FBXL13: variants seen among roughly 807,000 people sequenced by gnomAD.
FBXL13 encodes the protein F-box and leucine rich repeat protein 13.
A neutral mutation model predicts 83.6 loss-of-function variants in FBXL13; 67 were observed. The ratio of observed to expected loss-of-function variants is 0.80; its 90% CI spans 0.66 to 0.98. The LOEUF is 0.98. Among genes scored for constraint, FBXL13 ranks in the 50% least tolerant of loss-of-function variants. The probability of loss-of-function intolerance (pLI) is 0.00; values close to 1 mark genes in which losing one functional copy is unlikely to be tolerated. For missense variants in FBXL13, 822 were observed against 866.5 expected, an observed-to-expected ratio of 0.95 and a Z score of 0.64; for synonymous variants, 272 against 299.5, an observed-to-expected ratio of 0.91 and a Z score of 0.95.
chr7:103,014,082 C>A (rs756301208), intron 6 of FBXL13, among the ~76,000 whole-genome samples: 2 of 151,988 alleles, frequency 1.3e-5, no homozygotes, highest in Non-Finnish European at 2.9e-5. Flanking sequence ...AAAGATTGAA[C>A]GAGGAAGAGA....
chr7:102,828,311 T>G (rs1800088681), intron 18 of FBXL13, among the ~76,000 whole-genome samples: 1 of 152,230 alleles, frequency 6.6e-6, no homozygotes, highest in Non-Finnish European at 1.5e-5. Flanking sequence ...CCCTTGTAAG[T>G]TGGATTCCTA....
chr7:102,855,025 C>T (rs1373992234), intron 16 of FBXL13, among the ~76,000 whole-genome samples, 165 bp from the exon 18 acceptor site: 2 of 152,112 alleles, frequency 1.3e-5, no homozygotes, highest in Admixed American at 6.5e-5. Flanking sequence ...CGTAAGACCA[C>T]TTAGATTAGG....
intron 17 of FBXL13, 53 bp from the exon 19 acceptor site, chr7:102,833,027 G>A: frequency 6.3e-7 from 1 of 1,590,722 alleles, no homozygotes; most frequent in Non-Finnish European, 8.6e-7. Context: ...ATCTAGAACT[G>A]TCTTACTTAT....
At chr7:102,891,011 T>C (rs1172502236) in intron 11 of FBXL13, among the ~76,000 whole-genome samples, 1 of 152,214 alleles carries the variant, frequency 6.6e-6, no homozygotes, top group Non-Finnish European at 1.5e-5. Context: ...GAATGAACTG[T>C]TGGAGAGAAA....
intron 8 of FBXL13, chr7:102,944,766 A>G: frequency 1.6e-6 from 1 of 631,348 alleles, no homozygotes; most frequent in Non-Finnish European, 2.6e-6. Flanking sequence ...TATTATAGTA[A>G]TCAAGAGAAT....
At chr7:102,960,869 G>A (rs1206701112) in intron 8 of FBXL13, among the ~76,000 whole-genome samples, 1 of 151,824 alleles carries the variant, frequency 6.6e-6, no homozygotes, top group Middle Eastern at 3.2e-3. Flanking sequence ...CAAACCCACA[G>A]CCAATATCAT....
intron 6 of FBXL13, among the ~76,000 whole-genome samples, chr7:103,023,146 G>A (rs562375134): frequency 6.6e-6 from 1 of 152,048 alleles, no homozygotes; most frequent in South Asian, 2.1e-4. Context: ...CGTGGTGGCG[G>A]GCACCTGTGG....
rs183528648 is a variant in FBXL13 at position 103,029,939 on chromosome 7, A to G, written c.1-521T>C. 1.7e-3 allele frequency among the ~76,000 whole-genome samples: 266 copies of G among 152,342 alleles called. 1 individual carries two copies. The highest frequency in any genetic ancestry group is 2.3e-3 in the Non-Finnish European group (157 of 67,998). ...GCAAATTTATCACTTACAACTATTC[A>G]CAATAACATGTGGCAACAGCTAACT... is the stretch of plus-strand genomic sequence containing the variant. On this transcript the variant is annotated intron_variant, in intron 2 of 19. Coordinates refer to ENST00000313221, the Ensembl canonical transcript of FBXL13.
intron 6 of FBXL13, among the ~76,000 whole-genome samples, chr7:103,002,306 T>G (rs1438405865): frequency 6.6e-6 from 1 of 152,204 alleles, no homozygotes; most frequent in East Asian, 1.9e-4. Flanking sequence ...AACTCTACAC[T>G]TTAACTCAAT....
rs372008638 is a variant in FBXL13 at position 102,926,292 on chromosome 7, G to A, written c.860C>T (p.Thr287Met). 19 of 1,613,520 alleles carry A rather than the reference G, an allele frequency of 1.2e-5. No individual in the cohort carries two copies. The highest frequency in any genetic ancestry group is 1.6e-4 in the Middle Eastern group (1 of 6,082). Residue 287 changes from threonine to methionine, a missense_variant, in exon 10 of 20, where the codon ACG becomes ATG. Coordinates refer to ENST00000313221, the Ensembl canonical transcript of FBXL13. ...ACATTACCTCGGCAGGAGTCGCATC[G>A]TCCTGTTGGTGATAGTTGTGTTAGA...
chr7:103,064,537 T>C lies in FBXL13; in HGVS notation c.-104-8790A>G, dbSNP rs898063408. Among the ~76,000 whole-genome samples, 17 of 152,330 alleles carry C rather than the reference T, an allele frequency of 1.1e-4. No homozygotes were observed. The South Asian group carries it at 1.2e-3, about 11-fold the overall frequency. On this transcript the variant is annotated intron_variant, in intron 1 of 19. Transcript: ENST00000313221. Reference sequence around the variant, plus strand: ...TACTGAGTGATGCTGTTGTGATCTATATCTTTTTAGAGACTGCTTTGAGAT... The same window carrying C: ...TACTGAGTGATGCTGTTGTGATCTACATCTTTTTAGAGACTGCTTTGAGAT...
At chr7:102,853,971 T>C (rs1298910372) in intron 17 of FBXL13, among the ~76,000 whole-genome samples, 1 of 152,140 alleles carries the variant, frequency 6.6e-6, no homozygotes, top group African/African-American at 2.4e-5. Context: ...AGCGATTCCT[T>C]AGGGATCTAG....
Position 103,029,040 on chromosome 7 carries a change from T to A in FBXL13, c.69-292A>T, listed in dbSNP as rs891781987. Reference sequence around the variant, plus strand: ...AGAACCACCTAATGATGTCTTTTTTTAAAAGGAATCTAAATTCCACAACAT... The same window carrying A: ...AGAACCACCTAATGATGTCTTTTTTAAAAAGGAATCTAAATTCCACAACAT... On this transcript the variant is annotated intron_variant, in intron 3 of 19. Coordinates refer to ENST00000313221, the Ensembl canonical transcript of FBXL13. Among the ~76,000 whole-genome samples the A allele has an allele frequency of 2.0e-5, 3 of 152,096 alleles. No individual in the cohort carries two copies. The East Asian group carries it at 5.8e-4, about 29-fold the overall frequency.
chr7:102,833,084 G>C, intron 17 of FBXL13, 110 bp from the exon 19 acceptor site: 1 of 1,118,116 alleles, frequency 8.9e-7, no homozygotes, highest in Non-Finnish European at 1.3e-6. Context: ...ACAGATGTTA[G>C]ATCTTGATGC....
chr7:103,027,455 ATCT>A lies in FBXL13; in HGVS notation c.318_320del (p.Glu106del), dbSNP rs768392891. On this transcript the variant is annotated inframe_deletion, in exon 5 of 20. Transcript: ENST00000313221. ...TTGTTTCAATATACAATACCAGCTCATCTTCTTTCTTTTTACTCTTATGTCTTG... is the reference window on the plus strand; with the variant it reads ...TTGTTTCAATATACAATACCAGCTCATCTTTCTTTTTACTCTTATGTCTTG... The A allele has an allele frequency of 6.8e-5, 109 of 1,606,684 alleles. 1 individual carries two copies. In the South Asian group the frequency reaches 7.8e-4, roughly 12 times the overall value.
At chr7:103,024,852 TA>T (rs1156529089) in intron 6 of FBXL13, among the ~76,000 whole-genome samples, 6,153 of 101,006 alleles carry the variant, frequency 0.061, 141 homozygotes, top group East Asian at 0.14. Flanking sequence ...TATATATATA[TA>T]TATATTTTTT....
At chr7:102,941,390 C>G (rs1275498148) in intron 8 of FBXL13, among the ~76,000 whole-genome samples, 2 of 152,076 alleles carry the variant, frequency 1.3e-5, no homozygotes, top group Admixed American at 1.3e-4. Context: ...CATCTCCAAC[C>G]TGACCAATCA....
intron 19 of FBXL13, among the ~76,000 whole-genome samples, chr7:102,813,940 C>T (rs1446030783): frequency 2.0e-5 from 3 of 152,114 alleles, no homozygotes; most frequent in African/African-American, 7.2e-5. Flanking sequence ...CCAGAGTTCA[C>T]AGATCCCTTT....
chr7:103,056,263 T>C (rs575582936), intron 1 of FBXL13, among the ~76,000 whole-genome samples: 26 of 152,166 alleles, frequency 1.7e-4, no homozygotes, highest in Non-Finnish European at 3.2e-4. Flanking sequence ...TATTCAATCA[T>C]TGATTGATGG....
Sources: gnomAD v4.1 joint callset for allele counts (sites outside exome capture counted in the v4.1 genomes callset) on GRCh38, gnomAD v4.1.1 for gene constraint, MANE v1.5 for transcripts, NCBI Gene and HGNC (gene_info 2026-07-23, HGNC 2026-07-21) for gene names.